DAB1: variants seen among roughly 807,000 people sequenced by gnomAD.
DAB1 encodes the protein disabled homolog 1.
In DAB1, 15 loss-of-function variants were observed where a neutral mutation model predicts 64.6. The observed-to-expected ratio is 0.23, with a 90% CI of 0.16 to 0.36. DAB1 has a LOEUF of 0.36. Among genes scored for constraint, DAB1 ranks in the 10% least tolerant of loss-of-function variants. The pLI is 1.00. For synonymous variants in DAB1, 235 were observed against 251.9 expected (o/e 0.93, Z 0.64); for missense variants, 596 against 706.7 (o/e 0.84, Z 1.78).
At chr1:57,446,195 G>A (rs564509935) in intron 7 of DAB1, among the ~76,000 whole-genome samples, 1 of 152,132 alleles carries the variant, frequency 6.6e-6, no homozygotes, top group Non-Finnish European at 1.5e-5. Flanking sequence ...GTCCTTAATA[G>A]TTCCATCTTC....
chr1:58,329,020 T>C (rs2100492885), intron 4 of DAB1, among the ~76,000 whole-genome samples: 1 of 152,382 alleles, frequency 6.6e-6, no homozygotes, highest in South Asian at 2.1e-4. Flanking sequence ...GTGTTGTATG[T>C]GCTTGGTTGT....
At chr1:57,854,289 T>G (rs180737259) in intron 1 of DAB1, among the ~76,000 whole-genome samples, 1 of 152,306 alleles carries the variant, frequency 6.6e-6, no homozygotes, top group Non-Finnish European at 1.5e-5. Flanking sequence ...AAAAACAGTA[T>G]ATTTCAGAAT....
At chr1:58,109,235 A>T (rs1468928958) in intron 5 of DAB1, among the ~76,000 whole-genome samples, 1 of 152,210 alleles carries the variant, frequency 6.6e-6, no homozygotes. Context: ...TGCAGTCACC[A>T]GGTCTAACAC....
At chr1:58,527,507 T>G (rs1030463463) in intron 1 of DAB1, among the ~76,000 whole-genome samples, 2 of 152,174 alleles carry the variant, frequency 1.3e-5, no homozygotes, top group Non-Finnish European at 2.9e-5. Flanking sequence ...CAGCCTTTAT[T>G]TCCCTGATTA....
Position 58,490,651 on chromosome 1 carries a change from A to G in DAB1, n.257+15409T>C, listed in dbSNP as rs551607731. ...AAGACACATAATTGTCAGATTCACC[A>G]AAGTTGAAATGAAGGAAAAAATGTT... is the stretch of plus-strand genomic sequence containing the variant. On this transcript the variant is annotated intron_variant and non_coding_transcript_variant, in intron 3 of 20. Coordinates refer to the DAB1 transcript ENST00000485760. 3.2e-4 allele frequency among the ~76,000 whole-genome samples: 48 copies of G among 152,250 alleles called. No homozygotes were observed. In the South Asian group the frequency reaches 4.6e-3, roughly 15 times the overall value.
At chr1:57,527,303 A>AC (rs1399366298) in intron 7 of DAB1, among the ~76,000 whole-genome samples, 2 of 152,188 alleles carry the variant, frequency 1.3e-5, no homozygotes, top group Admixed American at 6.5e-5. Flanking sequence ...ATGGTATCAC[A>AC]CTAATTTACA....
At chr1:57,421,454 T>G (rs548298431) in intron 1 of DAB1, among the ~76,000 whole-genome samples, 1 of 152,308 alleles carries the variant, frequency 6.6e-6, no homozygotes, top group East Asian at 1.9e-4. Flanking sequence ...GGAAGAGATT[T>G]AATTGCCAAC....
At chr1:58,206,747 C>T (rs1658303890) in intron 4 of DAB1, among the ~76,000 whole-genome samples, 1 of 152,200 alleles carries the variant, frequency 6.6e-6, no homozygotes, top group African/African-American at 2.4e-5. Flanking sequence ...TTGAGCATTG[C>T]TTTGCATTTG....
At chr1:57,812,470 G>A (rs1293072164) in intron 6 of DAB1, among the ~76,000 whole-genome samples, 1 of 152,144 alleles carries the variant, frequency 6.6e-6, no homozygotes, top group African/African-American at 2.4e-5. Context: ...ATGTGTGCAT[G>A]CATGCCAACA....
chr1:57,473,779 T>G (rs1021617038), intron 7 of DAB1, among the ~76,000 whole-genome samples: 23 of 152,164 alleles, frequency 1.5e-4, no homozygotes, highest in African/African-American at 5.6e-4. Flanking sequence ...CCCTTGGGGG[T>G]GTCTGCATTT....
At chr1:57,677,817 A>G (rs929851523) in intron 6 of DAB1, among the ~76,000 whole-genome samples, 3 of 152,168 alleles carry the variant, frequency 2.0e-5, no homozygotes, top group African/African-American at 2.4e-5. Flanking sequence ...ATTCATTGGG[A>G]GCAAAGAAGA....
chr1:58,531,392 T>C (rs747586425), intron 1 of DAB1, among the ~76,000 whole-genome samples: 2 of 152,222 alleles, frequency 1.3e-5, no homozygotes, highest in African/African-American at 2.4e-5. Context: ...CTATGAATTT[T>C]TGTATTTACT....
chr1:57,100,670 G>A (rs1406055554), intron 4 of DAB1, among the ~76,000 whole-genome samples: 1 of 151,554 alleles, frequency 6.6e-6, no homozygotes, highest in African/African-American at 2.4e-5. Context: ...TCCTAATTCC[G>A]CCTAGTGGCA....
chr1:57,747,807 CAAAAAAA>C (rs373640023), intron 6 of DAB1, among the ~76,000 whole-genome samples: 170 of 43,958 alleles, frequency 3.9e-3, no homozygotes, highest in African/African-American at 0.012. Context: ...GGACTCTGTC[CAAAAAAA>C]AAAAAAAAAA....
chr1:57,124,936 C>A (rs944803189), intron 4 of DAB1, among the ~76,000 whole-genome samples: 1 of 151,416 alleles, frequency 6.6e-6, no homozygotes, highest in Non-Finnish European at 1.5e-5. Flanking sequence ...GTCCCTCCCA[C>A]CCCCCAACCC....
chr1:58,272,764 C>T (rs1363245968), intron 4 of DAB1, among the ~76,000 whole-genome samples: 2 of 152,102 alleles, frequency 1.3e-5, no homozygotes, highest in Non-Finnish European at 2.9e-5. Context: ...GAATTGATCC[C>T]TTTACCATTT....
chr1:58,165,144 G>C (rs1301621629), intron 4 of DAB1, among the ~76,000 whole-genome samples: 2 of 152,102 alleles, frequency 1.3e-5, no homozygotes, highest in Non-Finnish European at 2.9e-5. Flanking sequence ...AATGCCCATA[G>C]GACCACATTA....
At chr1:57,602,378 T>C (rs539176010) in intron 7 of DAB1, among the ~76,000 whole-genome samples, 26 of 152,200 alleles carry the variant, frequency 1.7e-4, no homozygotes, top group Non-Finnish European at 2.9e-5. Context: ...TATTTCTCTG[T>C]TCTTGTCCTG....
At chr1:58,185,651 T>A (rs2100212959) in intron 4 of DAB1, among the ~76,000 whole-genome samples, 1 of 152,288 alleles carries the variant, frequency 6.6e-6, no homozygotes, top group African/African-American at 2.4e-5. Flanking sequence ...ATGCTGGAAC[T>A]TCAGTAGTCT....
Sources: allele counts gnomAD v4.1 joint callset (sites outside exome capture counted in the v4.1 genomes callset), GRCh38; gene constraint gnomAD v4.1.1; transcripts MANE v1.5; gene names NCBI Gene and HGNC (gene_info 2026-07-23, HGNC 2026-07-21).